The following SYCP2L variants were observed in gnomAD, a reference collection of about 807,000 sequenced individuals.
SYCP2L encodes the protein synaptonemal complex protein 2 like.
A neutral mutation model predicts 125.8 loss-of-function variants in SYCP2L; 98 were observed. The observed-to-expected ratio is 0.78, with a 90% CI of 0.66 to 0.92. The LOEUF (loss-of-function observed/expected upper bound fraction) is 0.92, where lower values mean the gene tolerates loss of function less well. Ranked by LOEUF, SYCP2L falls within the 40% of genes least tolerant of loss-of-function variation. The pLI is 0.00. For synonymous variants in SYCP2L, 317 were observed against 325.4 expected (o/e 0.97, Z 0.28); for missense variants, 842 against 936.4 (o/e 0.90, Z 1.32).
At chr6:10,897,025 A>G (rs1050254610) in intron 4 of SYCP2L, among the ~76,000 whole-genome samples, 1 of 147,782 alleles carries the variant, frequency 6.8e-6, no homozygotes, top group East Asian at 2.0e-4. Flanking sequence ...CTAACTATGC[A>G]TGCGGAGTTT....
intron 14 of SYCP2L, among the ~76,000 whole-genome samples, chr6:10,918,396 G>C (rs1185221729): frequency 6.6e-6 from 1 of 151,728 alleles, no homozygotes; most frequent in Non-Finnish European, 1.5e-5. Flanking sequence ...TTCTTTCTCG[G>C]GAGTGCCAAT....
intron 15 of SYCP2L, among the ~76,000 whole-genome samples, chr6:10,925,531 T>C (rs751429912): frequency 2.0e-5 from 3 of 152,092 alleles, no homozygotes; most frequent in Non-Finnish European, 4.4e-5. Flanking sequence ...GCAAAGAAAT[T>C]TGTGACAAAA....
chr6:10,925,596 C>T (rs890560311), intron 15 of SYCP2L, among the ~76,000 whole-genome samples: 1 of 152,106 alleles, frequency 6.6e-6, no homozygotes, highest in African/African-American at 2.4e-5. Context: ...AGCTCAGAGA[C>T]CAGATAAGGA....
Position 10,906,003 on chromosome 6 carries a change from T to A in SYCP2L, c.642-17T>A, listed in dbSNP as rs1780482337. 2 of 1,583,976 alleles carry A rather than the reference T, an allele frequency of 1.3e-6. No homozygotes were observed. The highest frequency in any genetic ancestry group is 1.7e-6 in the Non-Finnish European group (2 of 1,157,978). ...GATGTTCACTTCAGTTAAATGTGAT[T>A]TATCTAAATGTTTCAGGAAAGACCT... On this transcript the variant is annotated splice_polypyrimidine_tract_variant and intron_variant, in intron 8 of 29. Transcript: ENST00000283141.
At position 10,893,876 on chromosome 6, in the gene SYCP2L, C is replaced by T. The variant is rs2113285342; in HGVS notation, c.88C>T (p.Leu30Phe). 1 of 1,608,304 alleles carries T rather than the reference C, an allele frequency of 6.2e-7. No individual in the cohort carries two copies. The highest frequency in any genetic ancestry group is 2.2e-5 in the East Asian group (1 of 44,784). Residue 30 changes from leucine to phenylalanine, a missense_variant, in exon 3 of 30, where the codon CTT becomes TTT. Physicochemically the swap from Leu to Phe is conservative, Grantham distance 22. Transcript: ENST00000283141. The stretch of plus-strand genomic sequence containing the variant: ...ACTATCATCTTTCCAGCTTCAATCA[C>T]TTATTACGGATGCATTCCATGATAA... ...AQDDAFWLQS[L>F]ITDAFHDKGF...
At chr6:10,906,844 CTG>C (rs1780505069) in intron 9 of SYCP2L, among the ~76,000 whole-genome samples, 1 of 152,018 alleles carries the variant, frequency 6.6e-6, no homozygotes, top group African/African-American at 2.4e-5. Flanking sequence ...GGTGATCCTC[CTG>C]CCTCGGCCTC....
intron 23 of SYCP2L, among the ~76,000 whole-genome samples, chr6:10,945,206 A>G (rs1781288970): frequency 6.6e-6 from 1 of 152,198 alleles, no homozygotes; most frequent in South Asian, 2.1e-4. Flanking sequence ...ATGGCTTAGT[A>G]TATGCCAATT....
At chr6:10,908,487 C>T (rs548360217) in intron 10 of SYCP2L, among the ~76,000 whole-genome samples, 17 of 152,198 alleles carry the variant, frequency 1.1e-4, no homozygotes, top group African/African-American at 4.1e-4. Flanking sequence ...ATTGTGTCCT[C>T]AGGCTGCACA....
rs928751606 is a variant in SYCP2L, at chr6:10,955,274, C to T, written c.2056+57C>T. ...TAGGAGTGGGATAAATGGGTCAGCACAGGATGTAACAACATGAATCACAAG... is the reference window on the plus strand; with the variant it reads ...TAGGAGTGGGATAAATGGGTCAGCATAGGATGTAACAACATGAATCACAAG... On this transcript the variant is annotated intron_variant, in intron 24 of 29. Transcript: ENST00000283141. 4 of 1,046,462 alleles carry T rather than the reference C, an allele frequency of 3.8e-6. No individual in the cohort carries two copies. The African/African-American group carries it at 6.3e-5, about 16-fold the overall frequency. The allele number at this position is 1,046,462 out of a possible 1,614,324, so 64.8% of individuals were successfully genotyped here.
chr6:10,952,168 T>C (rs529344965), intron 23 of SYCP2L, among the ~76,000 whole-genome samples: 1 of 152,330 alleles, frequency 6.6e-6, no homozygotes, highest in South Asian at 2.1e-4. Flanking sequence ...AAAAGTGGCA[T>C]ACAGTTACCA....
chr6:10,903,421 A>G (rs552542255), intron 8 of SYCP2L, among the ~76,000 whole-genome samples: 22 of 152,228 alleles, frequency 1.4e-4, no homozygotes, highest in South Asian at 2.1e-4. Context: ...GGTGGTGGGC[A>G]CCTGTAGTCC....
Position 10,907,591 on chromosome 6 carries a change from T to G in SYCP2L, c.726T>G (p.Ile242Met). ...AISEALCRLT[I>M]KKSRDELVHK... ...CTGAAGCGCTGTGTAGACTGACGATTAAAAAATCAAGGGATGAACTTGTCC... is the reference window on the plus strand; with the variant it reads ...CTGAAGCGCTGTGTAGACTGACGATGAAAAAATCAAGGGATGAACTTGTCC... The change falls in exon 10 of 30, where the codon ATT becomes ATG. Residue 242 changes from isoleucine to methionine, a missense_variant. Physicochemically the swap from Ile to Met is conservative, Grantham distance 10 (BLOSUM62 1). Transcript: ENST00000283141. The G allele has an allele frequency of 6.2e-7, 1 of 1,613,982 alleles. No homozygotes were observed. The highest frequency in any genetic ancestry group is 8.5e-7 in the Non-Finnish European group (1 of 1,179,918).
rs140645648 is a variant in SYCP2L at position 10,920,604 on chromosome 6, G to A, written c.1073-3892G>A. ...GGAAGAAGGTAAATGTTATAATTGC[G>A]TTCCTTTTTTTATTTTCTTCAACTT... is the stretch of plus-strand genomic sequence containing the variant. On this transcript the variant is annotated intron_variant, in intron 14 of 29. Coordinates refer to ENST00000283141, the MANE Select transcript of SYCP2L (RefSeq NM_001040274.3). Among the ~76,000 whole-genome samples, 897 of 152,246 alleles carry A rather than the reference G, an allele frequency of 5.9e-3. 5 individuals are homozygous for A. Among genetic ancestry groups the A allele is most frequent in the Middle Eastern group, 0.017 (5 of 292 alleles).
In SYCP2L at chr6:10,954,597, A is replaced by G. The variant is rs1366137360; in HGVS notation, c.1955-519A>G. 6.6e-6 allele frequency among the ~76,000 whole-genome samples: 1 copy of G among 152,226 alleles called. No individual in the cohort carries two copies. Among genetic ancestry groups the G allele is most frequent in the East Asian group, 1.9e-4 (1 of 5,198 alleles). ...TAGAAAATATTTAGTGTTATGCTGA[A>G]TTGAAATGGGAATCTATGTTCGAGT... On this transcript the variant is annotated intron_variant, in intron 23 of 29. Coordinates refer to ENST00000283141, the MANE Select transcript of SYCP2L (RefSeq NM_001040274.3). The surrounding 1 kb of genome is among the most constrained non-coding windows in gnomAD (Gnocchi z 4.8).
At chr6:10,955,305 T>C in intron 24 of SYCP2L, 88 bp downstream of exon 24, 1 of 826,998 alleles carries the variant, frequency 1.2e-6, no homozygotes, top group African/African-American at 1.7e-5. Context: ...ACAAGGGAGG[T>C]ATAGTTTTAA....
chr6:10,894,702 T>C (rs951528853), intron 4 of SYCP2L, among the ~76,000 whole-genome samples: 1 of 144,984 alleles, frequency 6.9e-6, no homozygotes, highest in Non-Finnish European at 1.5e-5. Flanking sequence ...GCTTTTATTC[T>C]TTTAAAAATA....
chr6:10,910,196 A>C lies in SYCP2L; in HGVS notation c.868A>C (p.Arg290=), dbSNP rs758402156. The change falls in exon 11 of 30, where the codon AGA becomes CGA. Residue 290 remains arginine (R), a synonymous_variant. Transcript: ENST00000283141. ...NHLNNRLGDQ[R]RVYSFPCIAA... ...CCTAAACAACAGACTTGGTGACCAA[A>C]GAAGGTAAGTTGTGTCTCTGAGCAT... is the stretch of plus-strand genomic sequence containing the variant. 2 of 1,613,722 alleles carry C rather than the reference A, an allele frequency of 1.2e-6. No homozygotes were observed. Among genetic ancestry groups the C allele is most frequent in the Non-Finnish European group, 1.7e-6 (2 of 1,179,744 alleles).
At chr6:10,906,309 G>GA (rs60239209) in intron 9 of SYCP2L, among the ~76,000 whole-genome samples, 7,083 of 147,916 alleles carry the variant, frequency 0.048, 545 homozygotes, top group African/African-American at 0.16. Context: ...TGTTTTTAAA[G>GA]AAAAAAAAAA....
intron 1 of SYCP2L, among the ~76,000 whole-genome samples, chr6:10,887,800 A>G (rs1780102183): frequency 6.6e-6 from 1 of 151,954 alleles, no homozygotes; most frequent in Non-Finnish European, 1.5e-5. Context: ...CCAGGAACTC[A>G]CTCTTGTTCT....
Sources: gnomAD v4.1 joint callset for allele counts (sites outside exome capture counted in the v4.1 genomes callset) on GRCh38, gnomAD v4.1.1 for gene constraint, Gnocchi (gnomAD v3.1) non-coding constraint, MANE v1.5 for transcripts, NCBI Gene and HGNC (gene_info 2026-07-23, HGNC 2026-07-21) for gene names.